The following GABRB2 variants were observed in gnomAD, a reference collection of about 807,000 sequenced individuals.
GABRB2 encodes the protein gamma-aminobutyric acid receptor subunit beta-2.
A neutral mutation model predicts 54.7 loss-of-function variants in GABRB2; 16 were observed. That is an observed-to-expected ratio of 0.29 (90% confidence interval 0.20 to 0.44). The LOEUF is 0.44. GABRB2 is among the 20% of genes least tolerant of loss of function. The probability of loss-of-function intolerance (pLI) is 1.00; values close to 1 mark genes in which losing one functional copy is unlikely to be tolerated. For synonymous variants in GABRB2, 244 were observed against 233.8 expected (o/e 1.04, Z -0.40); for missense variants, 355 against 644.0 (o/e 0.55, Z 4.86).
intron 5 of GABRB2, among the ~76,000 whole-genome samples, chr5:161,395,210 T>G: frequency 6.6e-6 from 1 of 152,130 alleles, no homozygotes; most frequent in East Asian, 1.9e-4. Context: ...GGGATGGATA[T>G]ACTTTATATT....
At chr5:161,537,551 T>C (rs1352444427) in intron 3 of GABRB2, among the ~76,000 whole-genome samples, 1 of 152,252 alleles carries the variant, frequency 6.6e-6, no homozygotes, top group African/African-American at 2.4e-5. Context: ...CACTTTCATC[T>C]TATAAACACA....
At chr5:161,380,034 A>G (rs1032514764) in intron 5 of GABRB2, among the ~76,000 whole-genome samples, 2 of 152,114 alleles carry the variant, frequency 1.3e-5, no homozygotes, top group Non-Finnish European at 2.9e-5. Flanking sequence ...CCTTATAAAA[A>G]ACTTATCTAT....
At chr5:161,495,735 C>T (rs1295873777) in intron 3 of GABRB2, among the ~76,000 whole-genome samples, 1 of 152,012 alleles carries the variant, frequency 6.6e-6, no homozygotes, top group Non-Finnish European at 1.5e-5. Context: ...GGGGCAACTC[C>T]AAAAGGAGAT....
At chr5:161,500,475 T>G (rs559185713) in intron 3 of GABRB2, among the ~76,000 whole-genome samples, 1 of 152,294 alleles carries the variant, frequency 6.6e-6, no homozygotes, top group Admixed American at 6.5e-5. Context: ...GCCTATTATT[T>G]TGTGTAATCT....
intron 3 of GABRB2, among the ~76,000 whole-genome samples, chr5:161,544,874 C>A (rs778257595): frequency 1.3e-4 from 20 of 152,270 alleles, no homozygotes; most frequent in Middle Eastern, 3.4e-3. Context: ...ACTCTCCCTT[C>A]TTCCCATGAC....
intron 4 of GABRB2, among the ~76,000 whole-genome samples, chr5:161,434,381 T>C (rs539166024): frequency 6.6e-6 from 1 of 152,292 alleles, no homozygotes; most frequent in Non-Finnish European, 1.5e-5. Context: ...CTGATTAAAA[T>C]TATCAGTGAC....
At chr5:161,388,046 A>G (rs752139480) in intron 5 of GABRB2, among the ~76,000 whole-genome samples, 1 of 152,154 alleles carries the variant, frequency 6.6e-6, no homozygotes, top group Non-Finnish European at 1.5e-5. Context: ...ATCATAAACT[A>G]AGAACATGTA....
intron 5 of GABRB2, among the ~76,000 whole-genome samples, chr5:161,375,460 C>T (rs1490327506): frequency 1.3e-5 from 2 of 152,162 alleles, no homozygotes; most frequent in Middle Eastern, 3.2e-3. Context: ...ACTGTCTCTG[C>T]ATTTCCTACT....
chr5:161,329,379 A>G (rs1753765404), intron 8 of GABRB2: 1 of 125,450 alleles, frequency 8.0e-6, no homozygotes, highest in Admixed American at 7.9e-5. Flanking sequence ...CCAATAAGTA[A>G]AACCTTGGGT....
chr5:161,359,991 G>A (rs1035392527), intron 5 of GABRB2, among the ~76,000 whole-genome samples: 1 of 151,982 alleles, frequency 6.6e-6, no homozygotes, highest in Non-Finnish European at 1.5e-5. Context: ...TGAGGCAGGA[G>A]AATCACTTGA....
chr5:161,395,423 A>G (rs1333813060), intron 5 of GABRB2, among the ~76,000 whole-genome samples: 1 of 152,134 alleles, frequency 6.6e-6, no homozygotes, highest in Non-Finnish European at 1.5e-5. Flanking sequence ...TTATTCAACA[A>G]ATAGTTCTGA....
At chr5:161,486,845 C>T (rs1035457381) in intron 3 of GABRB2, among the ~76,000 whole-genome samples, 1 of 151,854 alleles carries the variant, frequency 6.6e-6, no homozygotes. Context: ...TGATGAACTA[C>T]CTCAGACAAA....
At chr5:161,425,173 G>T (rs1446023472) in intron 4 of GABRB2, among the ~76,000 whole-genome samples, 2 of 152,044 alleles carry the variant, frequency 1.3e-5, no homozygotes, top group Non-Finnish European at 2.9e-5. Flanking sequence ...TAACAATGAA[G>T]AACTTACAAT....
intron 9 of GABRB2, among the ~76,000 whole-genome samples, chr5:161,324,940 C>T (rs1484576677): frequency 6.6e-6 from 1 of 151,990 alleles, no homozygotes; most frequent in Non-Finnish European, 1.5e-5. Context: ...AGTATTAACG[C>T]TTTCAAGCCA....
chr5:161,507,569 T>C (rs35894400), intron 3 of GABRB2, among the ~76,000 whole-genome samples: 22,984 of 151,990 alleles, frequency 0.15, 2,417 homozygotes, highest in Non-Finnish European at 0.23. Flanking sequence ...AATATATGTG[T>C]GTACACACAC....
chr5:161,542,952 TAAAAC>T (rs1760864629), intron 3 of GABRB2, among the ~76,000 whole-genome samples: 1 of 152,270 alleles, frequency 6.6e-6, no homozygotes, highest in African/African-American at 2.4e-5. Context: ...CTTTAAAAAA[TAAAAC>T]AAACATCACA....
At chr5:161,412,970 A>G (rs1756563439) in intron 4 of GABRB2, among the ~76,000 whole-genome samples, 2 of 152,084 alleles carry the variant, frequency 1.3e-5, no homozygotes, top group African/African-American at 4.8e-5. Flanking sequence ...CATTGGCACA[A>G]TCTCAGCTCA....
intron 4 of GABRB2, among the ~76,000 whole-genome samples, chr5:161,432,205 A>AGTGG: frequency 6.6e-6 from 1 of 152,318 alleles, no homozygotes; most frequent in Admixed American, 6.5e-5. Flanking sequence ...AACAAGCCCC[A>AGTGG]GTGGGTGTCT....
chr5:161,435,219 A>G (rs1487884790), intron 4 of GABRB2, among the ~76,000 whole-genome samples: 1 of 152,222 alleles, frequency 6.6e-6, no homozygotes, highest in East Asian at 1.9e-4. Flanking sequence ...TATCAATGAG[A>G]ACATTAAAAT....
Sources: allele counts gnomAD v4.1 joint callset (sites outside exome capture counted in the v4.1 genomes callset), GRCh38; gene constraint gnomAD v4.1.1; transcripts MANE v1.5; gene names NCBI Gene and HGNC (gene_info 2026-07-23, HGNC 2026-07-21).